ZDHHC14: variants seen among roughly 807,000 people sequenced by gnomAD.
ZDHHC14 encodes the protein zDHHC palmitoyltransferase 14, also known as palmitoyltransferase ZDHHC14.
A neutral mutation model predicts 47.7 loss-of-function variants in ZDHHC14; 16 were observed. The observed-to-expected ratio is 0.34, with a 90% confidence interval of 0.23 to 0.51. The LOEUF (loss-of-function observed/expected upper bound fraction) is 0.51. Among genes scored for constraint, ZDHHC14 ranks in the 20% least tolerant of loss-of-function variants. The pLI is 0.97. For missense variants in ZDHHC14, 515 were observed against 662.5 expected, an observed-to-expected ratio of 0.78 and a Z score of 2.44; for synonymous variants, 293 against 278.9, an observed-to-expected ratio of 1.05 and a Z score of -0.50.
intron 1 of ZDHHC14, among the ~76,000 whole-genome samples, chr6:157,425,302 T>C (rs1778193519): frequency 6.6e-6 from 1 of 152,244 alleles, no homozygotes; most frequent in African/African-American, 2.4e-5. Context: ...GATTTCTACA[T>C]ATTAACTTGC....
At chr6:157,543,877 GA>G (rs1425968115) in intron 2 of ZDHHC14, among the ~76,000 whole-genome samples, 1 of 152,212 alleles carries the variant, frequency 6.6e-6, no homozygotes, top group Non-Finnish European at 1.5e-5. Flanking sequence ...GGGATTCCAA[GA>G]CAGGGCATGC....
chr6:157,398,512 C>G (rs556320476), intron 1 of ZDHHC14, among the ~76,000 whole-genome samples: 6 of 152,300 alleles, frequency 3.9e-5, no homozygotes, highest in Non-Finnish European at 7.3e-5. Flanking sequence ...AATCTGACAT[C>G]TAACTCAATT....
intron 2 of ZDHHC14, among the ~76,000 whole-genome samples, chr6:157,555,554 C>G (rs923840223): frequency 6.6e-6 from 1 of 152,194 alleles, no homozygotes; most frequent in African/African-American, 2.4e-5. Context: ...ATCAGTTAAT[C>G]CATCTTAGGC....
At chr6:157,462,887 T>G (rs995107581) in intron 1 of ZDHHC14, among the ~76,000 whole-genome samples, 1 of 152,240 alleles carries the variant, frequency 6.6e-6, no homozygotes, top group Non-Finnish European at 1.5e-5. Context: ...CTGGATGTTG[T>G]GTCGAACAGT....
chr6:157,567,551 T>C (rs62423199), intron 2 of ZDHHC14, among the ~76,000 whole-genome samples: 74,872 of 151,612 alleles, frequency 0.49, 19,267 homozygotes, highest in African/African-American at 0.66. Context: ...CGCCGTGGCT[T>C]TTGCCTGTAA....
At chr6:157,386,022 G>T (rs1365046664) in intron 1 of ZDHHC14, among the ~76,000 whole-genome samples, 1 of 152,164 alleles carries the variant, frequency 6.6e-6, no homozygotes, top group Admixed American at 6.5e-5. Context: ...ACAGTATACG[G>T]TATACTGTGT....
rs1023789475 is a variant in ZDHHC14, at chr6:157,426,780, G to A, written c.245+44514G>A. Among the ~76,000 whole-genome samples the A allele has an allele frequency of 3.9e-5, 6 of 152,222 alleles. No individual in the cohort carries two copies. The East Asian group carries it at 1.2e-3, about 29-fold the overall frequency. ...CAGGCCACGGGAGAGGGGCCAGCGT[G>A]AGGTTCTACAGAGCTCAGGAGAGAA... On this transcript the variant is annotated intron_variant, in intron 1 of 8. Transcript: ENST00000359775.
intron 1 of ZDHHC14, among the ~76,000 whole-genome samples, chr6:157,430,311 T>TA (rs67359917): frequency 0.13 from 12,503 of 96,114 alleles, 890 homozygotes; most frequent in African/African-American, 0.22. Flanking sequence ...CAAGACTGTG[T>TA]AAAAAAAAAA....
rs3056748 is a variant in ZDHHC14, at chr6:157,677,951, A to AAAAAG, written c.*4829_*4830insAAAAG. ...ACGTTTTGGCATGGAAAAAAAAAAA[A>AAAAAG]GCATTTTAAACTCTTAGTGAATTCA... On this transcript the variant is annotated 3_prime_UTR_variant, in exon 9 of 9. Transcript: ENST00000359775. 1 of 149,958 alleles carries AAAAAG rather than the reference A, an allele frequency of 6.7e-6. No homozygotes were observed. Among genetic ancestry groups the AAAAAG allele is most frequent in the Non-Finnish European group, 1.5e-5 (1 of 67,646 alleles). The allele number at this position is 149,958 out of a possible 1,614,324, so 9.3% of individuals were successfully genotyped here. A position where few individuals can be genotyped will look rare whatever the true frequency, so the allele number is the denominator to read the frequency against.
chr6:157,440,556 G>A (rs1778542129), intron 1 of ZDHHC14, among the ~76,000 whole-genome samples: 1 of 152,098 alleles, frequency 6.6e-6, no homozygotes, highest in African/African-American at 2.4e-5. Flanking sequence ...CCATTTCTAG[G>A]AATATACCCA....
At chr6:157,583,673 C>T (rs1292022251) in intron 2 of ZDHHC14, among the ~76,000 whole-genome samples, 1 of 152,136 alleles carries the variant, frequency 6.6e-6, no homozygotes, top group Non-Finnish European at 1.5e-5. Context: ...AGCTGTGTGC[C>T]CTCTCAGTGT....
intron 1 of ZDHHC14, among the ~76,000 whole-genome samples, chr6:157,468,755 G>A (rs1227404054): frequency 6.6e-6 from 1 of 152,206 alleles, no homozygotes; most frequent in African/African-American, 2.4e-5. Context: ...AACAGCAGTA[G>A]GAGTAATTTA....
chr6:157,623,069 A>G (rs1458626050), intron 3 of ZDHHC14, among the ~76,000 whole-genome samples: 4 of 152,018 alleles, frequency 2.6e-5, no homozygotes, highest in Non-Finnish European at 1.5e-5. Context: ...CAATCTTGTT[A>G]TTTTCTAGAA....
chr6:157,487,114 C>T (rs1270220682), intron 1 of ZDHHC14, among the ~76,000 whole-genome samples: 2 of 152,244 alleles, frequency 1.3e-5, no homozygotes, highest in Non-Finnish European at 2.9e-5. Flanking sequence ...CTCTTCCTCT[C>T]TGTCTCCCCA....
chr6:157,536,008 C>A (rs561677950), intron 1 of ZDHHC14, among the ~76,000 whole-genome samples: 2 of 152,156 alleles, frequency 1.3e-5, no homozygotes, highest in Non-Finnish European at 2.9e-5. Flanking sequence ...ACCCTTAAAA[C>A]CTCCATTTCT....
intron 1 of ZDHHC14, among the ~76,000 whole-genome samples, chr6:157,478,101 C>T (rs968711393): frequency 6.6e-6 from 1 of 152,164 alleles, no homozygotes; most frequent in Admixed American, 6.5e-5. Context: ...TTCAGTGCCA[C>T]ATCCTGGATT....
At chr6:157,534,964 A>T (rs1345366465) in intron 1 of ZDHHC14, among the ~76,000 whole-genome samples, 4 of 152,212 alleles carry the variant, frequency 2.6e-5, no homozygotes, top group Non-Finnish European at 4.4e-5. Context: ...GCTCTTGTAC[A>T]TTCTCAATAG....
chr6:157,405,208 A>G (rs1777717039), intron 1 of ZDHHC14, among the ~76,000 whole-genome samples: 1 of 152,204 alleles, frequency 6.6e-6, no homozygotes, highest in Non-Finnish European at 1.5e-5. Flanking sequence ...TGCACCGCCA[A>G]AAGATCCAGC....
chr6:157,609,194 A>T (rs1352487093), intron 3 of ZDHHC14, among the ~76,000 whole-genome samples: 1 of 152,220 alleles, frequency 6.6e-6, no homozygotes, highest in Admixed American at 6.5e-5. Flanking sequence ...TAAAATAAAC[A>T]TGAGGACCTC....
Sources: allele counts gnomAD v4.1 joint callset (sites outside exome capture counted in the v4.1 genomes callset), GRCh38; gene constraint gnomAD v4.1.1; transcripts MANE v1.5; gene names NCBI Gene and HGNC (gene_info 2026-07-23, HGNC 2026-07-21).